EEF1B2: variants seen among roughly 807,000 people sequenced by gnomAD.
The protein encoded by EEF1B2 is elongation factor 1-beta.
A neutral mutation model predicts 28.3 loss-of-function variants in EEF1B2; 12 were observed. The ratio of observed to expected loss-of-function variants is 0.42; its 90% CI spans 0.27 to 0.69. The LOEUF (loss-of-function observed/expected upper bound fraction) is 0.69. Ranked by LOEUF, EEF1B2 falls within the 30% of genes least tolerant of loss-of-function variation. EEF1B2 has a pLI of 0.22. For missense variants in EEF1B2, 234 were observed against 272.6 expected (o/e 0.86, Z 1.00); for synonymous variants, 83 against 99.9 (o/e 0.83, Z 1.01).
Position 206,160,091 on chromosome 2 carries a change from G to A in EEF1B2, c.80+32G>A, listed in dbSNP as rs751391410. On this transcript the variant is annotated intron_variant, in intron 1 of 5. Transcript: ENST00000392222. ...GGACGGGCTGAGTCGGGGTGGCGGG[G>A]AGGTTTCTCCGCCCGGGGCCGGGGC... 3 of 1,605,126 alleles carry A rather than the reference G, an allele frequency of 1.9e-6. No homozygotes were observed. In the South Asian group the frequency reaches 3.3e-5, roughly 18 times the overall value.
upstream of EEF1B2, chr2:206,159,869 T>A (rs1346759045): frequency 1.6e-6 from 2 of 1,271,972 alleles, no homozygotes; most frequent in African/African-American, 3.1e-5. Context: ...CGTCTCTATA[T>A]AAGGAATTTT....
At chr2:206,159,867 T>C, upstream of EEF1B2, 2 of 1,242,542 alleles carry the variant, frequency 1.6e-6, no homozygotes, top group Non-Finnish European at 2.2e-6. Flanking sequence ...TCCGTCTCTA[T>C]ATAAGGAATT....
chr2:206,161,767 C>CA, intron 3 of EEF1B2: 1 of 423,030 alleles, frequency 2.4e-6, no homozygotes. Flanking sequence ...AGACTCCGTC[C>CA]CAAAAAAAAA....
At chr2:206,161,677 A>G (rs1257970101) in intron 3 of EEF1B2, among the ~76,000 whole-genome samples, 2 of 151,958 alleles carry the variant, frequency 1.3e-5, no homozygotes, top group Non-Finnish European at 2.9e-5. Context: ...CGGCTAAGGC[A>G]GAGAATTGCT....
intron 3 of EEF1B2, chr2:206,161,796 C>T: frequency 4.5e-6 from 3 of 666,226 alleles, no homozygotes; most frequent in Admixed American, 4.2e-5. Context: ...ATACATCGAT[C>T]AGCAATTGTA....
intron 2 of EEF1B2, 147 bp from the exon 3 acceptor site, chr2:206,161,199 A>T: frequency 4.8e-6 from 5 of 1,049,062 alleles, no homozygotes; most frequent in Non-Finnish European, 6.9e-6. Context: ...AACATATGAC[A>T]GTGTTTACCT....
chr2:206,161,499 T>C, intron 3 of EEF1B2, 27 bp downstream of exon 3: 1 of 1,611,870 alleles, frequency 6.2e-7, no homozygotes, highest in South Asian at 1.1e-5. Flanking sequence ...AAAGAACATA[T>C]CGGCCAGGCG....
Position 206,162,037 on chromosome 2 carries a change from G to A in EEF1B2, c.331-1G>A, listed in dbSNP as rs1687950083. ...AGTGGATTAATTTTTTTTCTTTACA[G>A]GAAAGTGAAGAAGCAAAGAGGCTAA... On this transcript the variant is annotated splice_acceptor_variant, in intron 3 of 5. Transcript: ENST00000392222. LOFTEE classifies it high-confidence loss of function. 6.2e-7 allele frequency: 1 copy of A among 1,613,696 alleles called. No homozygotes were observed.
chr2:206,161,304 T>A, intron 2 of EEF1B2, 42 bp from the exon 3 acceptor site: 4 of 1,609,086 alleles, frequency 2.5e-6, no homozygotes, highest in Middle Eastern at 2.0e-4. Flanking sequence ...GAAAAGGATG[T>A]TATACTAGCT....
Sources: gnomAD v4.1 joint callset for allele counts (sites outside exome capture counted in the v4.1 genomes callset) on GRCh38, gnomAD v4.1.1 for gene constraint, MANE v1.5 for transcripts, NCBI Gene and HGNC (gene_info 2026-07-23, HGNC 2026-07-21) for gene names.